OSBPL8: variants seen among roughly 807,000 people sequenced by gnomAD.
OSBPL8 encodes oxysterol binding protein like 8, also known as oxysterol-binding protein-related protein 8.
In OSBPL8, 59 loss-of-function variants were observed where a neutral mutation model predicts 125.5. The ratio of observed to expected loss-of-function variants is 0.47; its 90% confidence interval spans 0.38 to 0.58. The LOEUF is 0.58. Ranked by LOEUF, OSBPL8 falls within the 20% of genes least tolerant of loss-of-function variation. The probability of loss-of-function intolerance (pLI) is 0.00; values close to 1 mark genes in which losing one functional copy is unlikely to be tolerated. For synonymous variants in OSBPL8, 330 were observed against 338.9 expected (o/e 0.97, Z 0.29); for missense variants, 758 against 1,047.8 (o/e 0.72, Z 3.82).
chr12:76,386,050 C>A, intron 14 of OSBPL8, 118 bp downstream of exon 14: 1 of 1,408,252 alleles, frequency 7.1e-7, no homozygotes, highest in South Asian at 1.4e-5. Flanking sequence ...AAATGTTTAC[C>A]AAATGTTCAG....
rs1954450137 is a variant in OSBPL8, at chr12:76,410,125, CT to C, written c.288+438del. Among the ~76,000 whole-genome samples, 7 of 152,234 alleles carry C rather than the reference CT, an allele frequency of 4.6e-5. 2 individuals are homozygous for C. The South Asian group carries it at 1.5e-3, about 32-fold the overall frequency. Reference sequence around the variant, plus strand: ...AGAAATACTGATTCATAAACTATGTCTTATTCTAAGAAAATGTCTGTCAATA... The same window carrying C: ...AGAAATACTGATTCATAAACTATGTCTATTCTAAGAAAATGTCTGTCAATA... On this transcript the variant is annotated intron_variant, in intron 5 of 23. Coordinates refer to ENST00000261183, the MANE Select transcript of OSBPL8 (RefSeq NM_020841.5).
intron 15 of OSBPL8, among the ~76,000 whole-genome samples, chr12:76,379,785 T>C (rs895077635): frequency 1.3e-5 from 2 of 152,242 alleles, no homozygotes; most frequent in Non-Finnish European, 2.9e-5. Context: ...TAGTCCTGGA[T>C]TGTTATGAAT....
chr12:76,443,098 A>G (rs1404262642), intron 4 of OSBPL8, among the ~76,000 whole-genome samples: 1 of 152,178 alleles, frequency 6.6e-6, no homozygotes, highest in Admixed American at 6.5e-5. Flanking sequence ...AACCAAGCAT[A>G]GTCTGTTAAT....
At chr12:76,416,352 A>G (rs190612369) in intron 4 of OSBPL8, among the ~76,000 whole-genome samples, 1 of 152,228 alleles carries the variant, frequency 6.6e-6, no homozygotes, top group African/African-American at 2.4e-5. Flanking sequence ...TTATAAATAT[A>G]CCATATGTAT....
At chr12:76,458,568 G>C (rs1483008226) in intron 3 of OSBPL8, among the ~76,000 whole-genome samples, 1 of 151,888 alleles carries the variant, frequency 6.6e-6, no homozygotes, top group East Asian at 1.9e-4. Flanking sequence ...GCACAAGCCT[G>C]GAGTCCTAGC....
intron 12 of OSBPL8, among the ~76,000 whole-genome samples, chr12:76,387,260 T>C (rs1953353502): frequency 6.6e-6 from 1 of 152,212 alleles, no homozygotes; most frequent in African/African-American, 2.4e-5. Context: ...TATCTAAATA[T>C]AGGATTTTAT....
intron 1 of OSBPL8, among the ~76,000 whole-genome samples, chr12:76,555,160 TAAC>T (rs1311413023): frequency 2.0e-5 from 3 of 152,204 alleles, no homozygotes; most frequent in African/African-American, 4.8e-5. Flanking sequence ...AATTTTTTCT[TAAC>T]AACCAGAAAA....
intron 4 of OSBPL8, 50 bp from the exon 5 acceptor site, chr12:76,410,684 A>G (rs763730944): frequency 1.1e-5 from 14 of 1,255,682 alleles, no homozygotes; most frequent in Admixed American, 3.5e-5. Flanking sequence ...AACATGTATA[A>G]TAAGTCATTC....
chr12:76,399,293 A>C (rs1285427020), intron 7 of OSBPL8, among the ~76,000 whole-genome samples: 1 of 152,058 alleles, frequency 6.6e-6, no homozygotes, highest in Non-Finnish European at 1.5e-5. Context: ...CTACGAGATC[A>C]CTCTTAAACT....
At chr12:76,455,078 A>C (rs1441762062) in intron 3 of OSBPL8, among the ~76,000 whole-genome samples, 1 of 141,588 alleles carries the variant, frequency 7.1e-6, no homozygotes, top group East Asian at 2.0e-4. Flanking sequence ...ACTAAAAAAT[A>C]CAAAAAAAAA....
intron 1 of OSBPL8, among the ~76,000 whole-genome samples, chr12:76,541,954 C>T (rs531983607): frequency 1.3e-5 from 2 of 152,246 alleles, no homozygotes; most frequent in South Asian, 4.1e-4. Context: ...GGAGGATCAC[C>T]TGAGGTTGGG....
At position 76,390,391 on chromosome 12, in the gene OSBPL8, C is replaced by CTT. The variant is rs1953507216; in HGVS notation, c.1167+28_1167+29insAA. 3 of 1,465,150 alleles carry CTT rather than the reference C, an allele frequency of 2.0e-6. No homozygotes were observed. The South Asian group carries it at 3.7e-5, about 18-fold the overall frequency. The allele number at this position is 1,465,150 out of a possible 1,614,324, so 90.8% of individuals were successfully genotyped here. A position where few individuals can be genotyped will look rare whatever the true frequency, so the allele number is the denominator to read the frequency against. On this transcript the variant is annotated intron_variant, in intron 11 of 23. Coordinates refer to ENST00000261183, the MANE Select transcript of OSBPL8 (RefSeq NM_020841.5). ...AAGAATTCCCAAGAATATGAAAATC[C>CTT]AGAACCTCTAAAAATAGCAGACTTT...
chr12:76,492,848 C>T (rs1213906611), intron 1 of OSBPL8, among the ~76,000 whole-genome samples: 2 of 151,996 alleles, frequency 1.3e-5, no homozygotes, highest in East Asian at 1.9e-4. Context: ...AAACCATCAC[C>T]GCCCTCCTGG....
chr12:76,528,787 G>A (rs1950254031), intron 1 of OSBPL8, among the ~76,000 whole-genome samples: 1 of 152,140 alleles, frequency 6.6e-6, no homozygotes, highest in African/African-American at 2.4e-5. Context: ...CCAGAAGGCA[G>A]AGGTTGCAGT....
At chr12:76,520,248 G>C (rs1881941975) in intron 1 of OSBPL8, among the ~76,000 whole-genome samples, 1 of 152,026 alleles carries the variant, frequency 6.6e-6, no homozygotes, top group Non-Finnish European at 1.5e-5. Flanking sequence ...AAGAAAGAAA[G>C]AAACAAGAGA....
chr12:76,529,823 T>C (rs1950284036), intron 1 of OSBPL8, among the ~76,000 whole-genome samples: 1 of 152,194 alleles, frequency 6.6e-6, no homozygotes, highest in Non-Finnish European at 1.5e-5. Flanking sequence ...AGGAACATGA[T>C]CCACTTTATA....
chr12:76,430,026 T>C (rs1425526050), intron 4 of OSBPL8, among the ~76,000 whole-genome samples: 1 of 151,954 alleles, frequency 6.6e-6, no homozygotes, highest in Non-Finnish European at 1.5e-5. Context: ...CCTGCTGACT[T>C]CCAACACAAC....
chr12:76,461,993 G>C lies in OSBPL8; in HGVS notation c.43-2098C>G, dbSNP rs551047493. Among the ~76,000 whole-genome samples the C allele has an allele frequency of 9.2e-5, 14 of 152,288 alleles. No homozygotes were observed. In the East Asian group the frequency reaches 2.5e-3, roughly 27 times the overall value. ...AACAACTGTGGCAAACTTTACAAAT[G>C]CTTCATAGACATCTTCTAAGATCTT... is the stretch of plus-strand genomic sequence containing the variant. On this transcript the variant is annotated intron_variant, in intron 2 of 23. Transcript: ENST00000261183.
intron 2 of OSBPL8, among the ~76,000 whole-genome samples, chr12:76,461,181 C>T (rs748758483): frequency 1.1e-4 from 17 of 152,264 alleles, no homozygotes; most frequent in South Asian, 4.1e-4. Flanking sequence ...AGCCACCACA[C>T]CAGGCCCTAA....
Sources: allele counts gnomAD v4.1 joint callset (sites outside exome capture counted in the v4.1 genomes callset), GRCh38; gene constraint gnomAD v4.1.1; transcripts MANE v1.5; gene names NCBI Gene and HGNC (gene_info 2026-07-23, HGNC 2026-07-21).